ARL15: variants seen among roughly 807,000 people sequenced by gnomAD.
ARL15 encodes the protein ARF like GTPase 15, also known as ADP-ribosylation factor-like protein 15.
Under a neutral mutation model 25.2 loss-of-function variants are expected in ARL15, and 19 were observed. That is an observed-to-expected ratio of 0.75 (90% CI 0.53 to 1.10). The LOEUF (loss-of-function observed/expected upper bound fraction) is 1.10. Ranked by LOEUF, ARL15 falls within the 50% of genes least tolerant of loss-of-function variation. The pLI is 0.00. For synonymous variants in ARL15, 94 were observed against 86.8 expected (o/e 1.08, Z -0.46); for missense variants, 220 against 246.0 (o/e 0.89, Z 0.71).
chr5:53,886,516 T>C lies in ARL15; in HGVS notation c.*45A>G, dbSNP rs370018249. 1.9e-5 allele frequency: 29 copies of C among 1,515,426 alleles called. No homozygotes were observed. In the Middle Eastern group the frequency reaches 1.4e-3, roughly 73 times the overall value. 93.9% of individuals were successfully genotyped at this position (1,515,426 alleles called of 1,614,324 possible). ...ATAAAATTAAAATGAGAAACTAACA[T>C]GATAGGTTCAAGGCCTTTTGGGAGC... On this transcript the variant is annotated 3_prime_UTR_variant, in exon 5 of 5. Transcript: ENST00000504924.
intron 3 of ARL15, among the ~76,000 whole-genome samples, chr5:54,138,276 G>A (rs924268400): frequency 1.3e-5 from 2 of 151,964 alleles, no homozygotes; most frequent in Admixed American, 6.6e-5. Context: ...CCAGGAGTTC[G>A]AGGCCAGCCT....
chr5:53,892,602 T>C (rs1744754851), intron 4 of ARL15, among the ~76,000 whole-genome samples: 1 of 64,918 alleles, frequency 1.5e-5, no homozygotes, highest in Non-Finnish European at 4.3e-5. Flanking sequence ...TTACTGTTAC[T>C]TTTTTTTTTT....
intron 1 of ARL15, among the ~76,000 whole-genome samples, chr5:54,186,888 T>G (rs1026939951): frequency 5.0e-5 from 7 of 140,344 alleles, no homozygotes; most frequent in African/African-American, 1.4e-4. Flanking sequence ...TTTTTTTTTT[T>G]GTCAAACAAA....
intron 4 of ARL15, among the ~76,000 whole-genome samples, chr5:53,978,968 G>A (rs17251005): frequency 4.4e-4 from 67 of 152,094 alleles, no homozygotes; most frequent in Admixed American, 7.2e-4. Flanking sequence ...AATTTGTAAG[G>A]GTAGAATATT....
intron 3 of ARL15, among the ~76,000 whole-genome samples, chr5:54,126,607 G>C (rs568754867): frequency 6.6e-6 from 1 of 152,158 alleles, no homozygotes; most frequent in East Asian, 1.9e-4. Context: ...TTGGGGGGTA[G>C]GGCCTAATAG....
intron 1 of ARL15, among the ~76,000 whole-genome samples, chr5:54,251,467 C>T (rs1757234914): frequency 1.3e-5 from 2 of 152,204 alleles, no homozygotes; most frequent in Admixed American, 1.3e-4. Flanking sequence ...GGTATTTCCA[C>T]TGCAGCACCT....
intron 3 of ARL15, among the ~76,000 whole-genome samples, chr5:54,117,959 T>C (rs1752957557): frequency 6.6e-6 from 1 of 152,144 alleles, no homozygotes; most frequent in African/African-American, 2.4e-5. Flanking sequence ...AATAGACAGA[T>C]ATTCATAAAG....
intron 4 of ARL15, among the ~76,000 whole-genome samples, chr5:53,892,303 C>T (rs1005012923): frequency 6.6e-6 from 1 of 152,188 alleles, no homozygotes; most frequent in African/African-American, 2.4e-5. Flanking sequence ...ACTTTAGCTC[C>T]TTCAAACTGA....
rs1746121494 is a variant in ARL15 at position 53,929,128 on chromosome 5, A to T, written c.463-42415T>A. Among the ~76,000 whole-genome samples, 2 of 151,594 alleles carry T rather than the reference A, an allele frequency of 1.3e-5. 1 individual carries two copies. Among genetic ancestry groups the T allele is most frequent in the South Asian group, 4.2e-4 (2 of 4,802 alleles). ...TTAGTCTCACTTATCAAGGCCATCT[A>T]ACTCTTTGTTTAGATAAGCATTCCA... On this transcript the variant is annotated intron_variant, in intron 4 of 4. Coordinates refer to ENST00000504924, the MANE Select transcript of ARL15 (RefSeq NM_019087.3).
At chr5:54,122,341 A>G (rs147982269) in intron 3 of ARL15, among the ~76,000 whole-genome samples, 2 of 152,360 alleles carry the variant, frequency 1.3e-5, no homozygotes, top group Admixed American at 6.5e-5. Flanking sequence ...AAACAGCATG[A>G]TTAGTCGTGT....
intron 4 of ARL15, among the ~76,000 whole-genome samples, chr5:53,906,707 C>A (rs887445272): frequency 1.3e-5 from 2 of 152,182 alleles, no homozygotes; most frequent in Admixed American, 6.5e-5. Context: ...CAATGGCTTG[C>A]ATAACTATCT....
chr5:54,162,569 T>C (rs776875751), intron 2 of ARL15, among the ~76,000 whole-genome samples: 10 of 152,320 alleles, frequency 6.6e-5, no homozygotes, highest in Middle Eastern at 6.8e-3. Context: ...CGTTTACTTA[T>C]ATATGGACCT....
In ARL15 at chr5:54,124,370, T is replaced by A. The variant is rs190401161; in HGVS notation, c.254-10960A>T. Reference sequence around the variant, plus strand: ...TGACATAGGATCAACGTCCATTTTTTAAAAATTTGTTTTAAACACATTTAT... The same window carrying A: ...TGACATAGGATCAACGTCCATTTTTAAAAAATTTGTTTTAAACACATTTAT... On this transcript the variant is annotated intron_variant, in intron 3 of 4. Coordinates refer to ENST00000504924, the MANE Select transcript of ARL15 (RefSeq NM_019087.3). Among the ~76,000 whole-genome samples the A allele has an allele frequency of 1.7e-3, 252 of 152,338 alleles. 2 individuals are homozygous for A. Among genetic ancestry groups the A allele is most frequent in the Admixed American group, 8.0e-3 (123 of 15,304 alleles).
chr5:54,039,810 A>AAAT (rs1316517013), intron 4 of ARL15, among the ~76,000 whole-genome samples: 1 of 151,034 alleles, frequency 6.6e-6, no homozygotes, highest in African/African-American at 2.4e-5. Context: ...TAAAAAAAAA[A>AAAT]AAAAAAAAAA....
At chr5:54,234,572 A>G (rs934551760) in intron 1 of ARL15, among the ~76,000 whole-genome samples, 4 of 152,132 alleles carry the variant, frequency 2.6e-5, no homozygotes, top group Admixed American at 2.6e-4. Flanking sequence ...TTTAATAATG[A>G]TATGGTTGCT....
intron 1 of ARL15, among the ~76,000 whole-genome samples, chr5:54,198,719 G>GC (rs1755629323): frequency 6.6e-6 from 1 of 151,256 alleles, no homozygotes; most frequent in African/African-American, 2.4e-5. Context: ...TAGCCATACT[G>GC]CCCAAGGTAA....
At chr5:54,288,865 G>A (rs1342642867) in intron 1 of ARL15, among the ~76,000 whole-genome samples, 1 of 152,100 alleles carries the variant, frequency 6.6e-6, no homozygotes, top group African/African-American at 2.4e-5. Flanking sequence ...ACTGAATATA[G>A]GCACCAGCTT....
intron 2 of ARL15, among the ~76,000 whole-genome samples, chr5:54,163,742 T>C (rs1313389906): frequency 6.6e-6 from 1 of 152,006 alleles, no homozygotes; most frequent in Non-Finnish European, 1.5e-5. Context: ...ATAGAATCTA[T>C]ATTGATGTCA....
intron 1 of ARL15, among the ~76,000 whole-genome samples, chr5:54,284,123 AGACAG>A (rs768184604): frequency 6.6e-5 from 10 of 152,174 alleles, no homozygotes; most frequent in Admixed American, 2.0e-4. Context: ...TTGTTTTCTG[AGACAG>A]GGTCTCACTT....
Sources: gnomAD v4.1 joint callset for allele counts (sites outside exome capture counted in the v4.1 genomes callset) on GRCh38, gnomAD v4.1.1 for gene constraint, MANE v1.5 for transcripts, NCBI Gene and HGNC (gene_info 2026-07-23, HGNC 2026-07-21) for gene names.